The following TUT4 variants were observed in gnomAD, a reference collection of about 807,000 sequenced individuals.
TUT4 encodes the protein terminal uridylyl transferase 4, also known as terminal uridylyltransferase 4.
A neutral mutation model predicts 192.2 loss-of-function variants in TUT4; 36 were observed. That is an observed-to-expected ratio of 0.19 (90% CI 0.14 to 0.25). The LOEUF is 0.25. Ranked by LOEUF, TUT4 falls within the 10% of genes least tolerant of loss-of-function variation. The pLI is 1.00. For missense variants in TUT4, 1,493 were observed against 1,957.2 expected, an observed-to-expected ratio of 0.76 and a Z score of 4.47; for synonymous variants, 618 against 666.0, an observed-to-expected ratio of 0.93 and a Z score of 1.11.
Position 52,461,693 on chromosome 1 carries a change from TAAGATTC to T in TUT4, c.3127+12_3127+18del. 6.5e-7 allele frequency: 1 copy of T among 1,536,798 alleles called. No individual in the cohort carries two copies. The highest frequency in any genetic ancestry group is 8.8e-7 in the Non-Finnish European group (1 of 1,131,452). On this transcript the variant is annotated intron_variant, in intron 17 of 29. Coordinates refer to ENST00000257177, the MANE Select transcript of TUT4 (RefSeq NM_001009881.3). The stretch of plus-strand genomic sequence containing the variant: ...AAAAAAATTTATTTTGTTTTACAGA[TAAGATTC>T]AAAATTCATACCTGGATGTCTCTTA...
chr1:52,488,770 C>A, intron 9 of TUT4, 139 bp downstream of exon 9: 3 of 890,626 alleles, frequency 3.4e-6, no homozygotes, highest in Non-Finnish European at 4.6e-6. Flanking sequence ...CACCAACTTT[C>A]TGTCTAGCAC....
chr1:52,543,910 A>T (rs1464901415), intron 1 of TUT4, among the ~76,000 whole-genome samples: 1 of 152,194 alleles, frequency 6.6e-6, no homozygotes, highest in Non-Finnish European at 1.5e-5. Context: ...TGGAATCTCA[A>T]GAGACCCCAA....
chr1:52,479,722 C>T (rs1022790317), intron 11 of TUT4, among the ~76,000 whole-genome samples: 3 of 152,102 alleles, frequency 2.0e-5, no homozygotes, highest in East Asian at 1.9e-4. Context: ...CGGCCGGGCG[C>T]GGAGGCTCAC....
At chr1:52,495,540 G>T in intron 5 of TUT4, 25 bp from the exon 6 acceptor site, 2 of 1,519,300 alleles carry the variant, frequency 1.3e-6, no homozygotes, top group Non-Finnish European at 1.8e-6. Flanking sequence ...AAACATCAAA[G>T]CATGAAATAG....
chr1:52,454,560 G>A (rs143983585), intron 20 of TUT4, among the ~76,000 whole-genome samples: 27 of 152,190 alleles, frequency 1.8e-4, no homozygotes, highest in African/African-American at 6.0e-4. Flanking sequence ...ACCTTATACC[G>A]TTCACAAAAA....
chr1:52,436,742 C>G lies in TUT4; in HGVS notation c.4162+13G>C. 1 of 1,612,390 alleles carries G rather than the reference C, an allele frequency of 6.2e-7. No homozygotes were observed. Among genetic ancestry groups the G allele is most frequent in the Non-Finnish European group, 8.5e-7 (1 of 1,179,836 alleles). On this transcript the variant is annotated intron_variant, in intron 26 of 29. Transcript: ENST00000257177. ...GTTTCTACCAGAAACTATGTTTGGC[C>G]TTTTCTATTTACCTGCCACACTGCT... is the stretch of plus-strand genomic sequence containing the variant.
rs1416692644 is a variant in TUT4, at chr1:52,446,284, G to A, written c.3672C>T (p.Ser1224=). The part of the protein sequence containing the change: ...LLTTFEKQWT[S]KCIAIEDPFD... ...TGTTACCTTCAATTGCAATGCACTT[G>A]GAAGTCCACTGCTTCTCAAAAGTTG... The change falls in exon 22 of 30, where the codon TCC becomes TCT. Residue 1224 remains serine, a synonymous_variant. Transcript: ENST00000257177. 6.2e-7 allele frequency: 1 copy of A among 1,610,612 alleles called. No individual in the cohort carries two copies. The highest frequency in any genetic ancestry group is 1.7e-5 in the Admixed American group (1 of 59,248).
At chr1:52,513,286 AAGCTACTCG>A (rs1677755802) in intron 3 of TUT4, among the ~76,000 whole-genome samples, 1 of 150,554 alleles carries the variant, frequency 6.6e-6, no homozygotes, top group Non-Finnish European at 1.5e-5. Context: ...CTGTAGTCCC[AAGCTACTCG>A]GGAGACTTAG....
intron 1 of TUT4, among the ~76,000 whole-genome samples, chr1:52,547,685 T>G (rs1217372370): frequency 3.3e-5 from 5 of 152,224 alleles, no homozygotes; most frequent in Non-Finnish European, 5.9e-5. Context: ...GGTAATACTA[T>G]TCAGCCAGAA....
At chr1:52,472,196 A>G (rs1272903367) in intron 13 of TUT4, 94 bp from the exon 14 acceptor site, 4 of 1,168,256 alleles carry the variant, frequency 3.4e-6, no homozygotes, top group Non-Finnish European at 4.8e-6. Flanking sequence ...TATGTAACTC[A>G]GTTTTGATAA....
At chr1:52,440,750 T>C (rs563141289) in intron 24 of TUT4, among the ~76,000 whole-genome samples, 12 of 152,304 alleles carry the variant, frequency 7.9e-5, no homozygotes, top group South Asian at 2.1e-4. Flanking sequence ...AAGAGTCAAG[T>C]AGTAAATCTT....
At position 52,458,496 on chromosome 1, in the gene TUT4, T is replaced by C. The variant is rs376080210; in HGVS notation, c.3322-47A>G. 7.8e-6 allele frequency: 11 copies of C among 1,402,304 alleles called. No individual in the cohort carries two copies. In the African/African-American group the frequency reaches 1.3e-4, roughly 16 times the overall value. 86.9% of individuals were successfully genotyped at this position (1,402,304 alleles called of 1,614,324 possible). A position where few individuals can be genotyped will look rare whatever the true frequency, so the allele number is the denominator to read the frequency against. On this transcript the variant is annotated intron_variant, in intron 19 of 29. Coordinates refer to ENST00000257177, the MANE Select transcript of TUT4 (RefSeq NM_001009881.3). Reference sequence around the variant, plus strand: ...AACAAAACTTCAGAGTCTTACTCCATGCAGAAGTATATTAAACATTCTGCC... The same window carrying C: ...AACAAAACTTCAGAGTCTTACTCCACGCAGAAGTATATTAAACATTCTGCC...
chr1:52,463,219 A>C lies in TUT4; in HGVS notation c.3070-1450T>G, dbSNP rs1433188688. 1.1e-5 allele frequency: 11 copies of C among 985,202 alleles called. No individual in the cohort carries two copies. In the Admixed American group the frequency reaches 6.7e-4, roughly 60 times the overall value. 61.0% of individuals were successfully genotyped at this position (985,202 alleles called of 1,614,324 possible). ...AGAAGTTTAATAAATTTTACATAGAAGATATCTAAAACTCTAACCTCTTTC... is the reference window on the plus strand; with the variant it reads ...AGAAGTTTAATAAATTTTACATAGACGATATCTAAAACTCTAACCTCTTTC... On this transcript the variant is annotated intron_variant, in intron 16 of 29. Coordinates refer to ENST00000257177, the MANE Select transcript of TUT4 (RefSeq NM_001009881.3).
At chr1:52,461,848 T>C (rs902937204) in intron 16 of TUT4, 79 bp from the exon 17 acceptor site, 8 of 833,030 alleles carry the variant, frequency 9.6e-6, no homozygotes, top group Middle Eastern at 3.6e-4. Context: ...CATTTAATAG[T>C]AGCATTTACA....
chr1:52,531,864 G>A (rs1195762834), intron 1 of TUT4, among the ~76,000 whole-genome samples: 1 of 136,226 alleles, frequency 7.3e-6, no homozygotes, highest in African/African-American at 2.7e-5. Context: ...TATCTGAACA[G>A]TAGAGACTGT....
intron 13 of TUT4, among the ~76,000 whole-genome samples, chr1:52,473,261 T>C (rs1666243161): frequency 1.3e-5 from 2 of 152,072 alleles, no homozygotes; most frequent in African/African-American, 4.8e-5. Flanking sequence ...ATACTGCTTA[T>C]TGGGAGGGGA....
At chr1:52,488,371 C>T (rs936818628) in intron 9 of TUT4, among the ~76,000 whole-genome samples, 5 of 152,082 alleles carry the variant, frequency 3.3e-5, no homozygotes. Flanking sequence ...ACTCCCTATC[C>T]CCACATCAAA....
intron 9 of TUT4, among the ~76,000 whole-genome samples, chr1:52,486,262 T>C (rs1330655991): frequency 6.6e-6 from 1 of 152,154 alleles, no homozygotes; most frequent in Non-Finnish European, 1.5e-5. Flanking sequence ...AAAATGCAAT[T>C]CTTACATTAA....
chr1:52,521,452 G>A (rs1181026489), intron 2 of TUT4, among the ~76,000 whole-genome samples: 1 of 150,718 alleles, frequency 6.6e-6, no homozygotes, highest in African/African-American at 2.4e-5. Flanking sequence ...ATGGCTTGAG[G>A]TCAGGAGTTC....
Sources: allele counts gnomAD v4.1 joint callset (sites outside exome capture counted in the v4.1 genomes callset), GRCh38; gene constraint gnomAD v4.1.1; transcripts MANE v1.5; gene names NCBI Gene and HGNC (gene_info 2026-07-23, HGNC 2026-07-21).